TNFAIP6: variants seen among roughly 807,000 people sequenced by gnomAD.
TNFAIP6 encodes the protein TNF alpha induced protein 6, also known as tumor necrosis factor-inducible gene 6 protein.
A neutral mutation model predicts 33.7 loss-of-function variants in TNFAIP6; 36 were observed. The observed-to-expected ratio is 1.07, with a 90% CI of 0.82 to 1.41. The LOEUF (loss-of-function observed/expected upper bound fraction) is 1.41, where lower values mean the gene tolerates loss of function less well. Ranked by LOEUF, TNFAIP6 falls within the 40% of genes most tolerant of loss-of-function variation. TNFAIP6 has a pLI of 0.00. For synonymous variants in TNFAIP6, 113 were observed against 112.8 expected (o/e 1.00, Z -0.01); for missense variants, 273 against 331.9 (o/e 0.82, Z 1.38).
At chr2:151,379,025 G>A (rs916732972) in intron 5 of TNFAIP6, among the ~76,000 whole-genome samples, 1 of 151,964 alleles carries the variant, frequency 6.6e-6, no homozygotes, top group African/African-American at 2.4e-5. Context: ...GCTTGAGCCC[G>A]GGAGGCGGAG....
chr2:151,373,504 A>G, intron 4 of TNFAIP6, 45 bp from the exon 5 acceptor site: 1 of 1,262,016 alleles, frequency 7.9e-7, no homozygotes, highest in Non-Finnish European at 1.1e-6. Context: ...CTAGCTGTAT[A>G]ATATTCATTT....
At chr2:151,368,978 A>T (rs1684764974) in intron 3 of TNFAIP6, among the ~76,000 whole-genome samples, 2 of 152,240 alleles carry the variant, frequency 1.3e-5, no homozygotes, top group Non-Finnish European at 2.9e-5. Context: ...CGATCACCAG[A>T]GGTCAGGAGT....
At chr2:151,367,076 A>G (rs552071870) in intron 3 of TNFAIP6, among the ~76,000 whole-genome samples, 1 of 152,288 alleles carries the variant, frequency 6.6e-6, no homozygotes, top group Admixed American at 6.5e-5. Context: ...AAGAAATTCC[A>G]TAACACAGTA....
At chr2:151,369,576 C>G (rs1472636563) in intron 3 of TNFAIP6, among the ~76,000 whole-genome samples, 2 of 152,064 alleles carry the variant, frequency 1.3e-5, no homozygotes. Flanking sequence ...GAGTTCAATA[C>G]CAGCCTGGGC....
At chr2:151,367,480 CAAA>C (rs1553466811) in intron 3 of TNFAIP6, among the ~76,000 whole-genome samples, 2 of 151,964 alleles carry the variant, frequency 1.3e-5, no homozygotes, top group Non-Finnish European at 2.9e-5. Flanking sequence ...CTCTTCTTTT[CAAA>C]TGTATTCTCT....
chr2:151,367,455 T>C (rs1291814080), intron 3 of TNFAIP6, among the ~76,000 whole-genome samples: 1 of 152,184 alleles, frequency 6.6e-6, no homozygotes, highest in African/African-American at 2.4e-5. Context: ...CACTCTTTTT[T>C]ACTCTTAAGA....
intron 3 of TNFAIP6, among the ~76,000 whole-genome samples, chr2:151,368,973 A>T (rs914591513): frequency 1.3e-5 from 2 of 152,222 alleles, no homozygotes; most frequent in African/African-American, 2.4e-5. Context: ...TGGGTCGATC[A>T]CCAGAGGTCA....
At chr2:151,374,710 G>T (rs184349533) in intron 5 of TNFAIP6, among the ~76,000 whole-genome samples, 1 of 152,126 alleles carries the variant, frequency 6.6e-6, no homozygotes, top group African/African-American at 2.4e-5. Context: ...AAATTAAACC[G>T]TTTACTTATC....
intron 3 of TNFAIP6, 22 bp from the exon 4 acceptor site, chr2:151,369,998 G>GTTTTT: frequency 6.4e-7 from 1 of 1,558,744 alleles, no homozygotes; most frequent in Non-Finnish European, 8.7e-7. Flanking sequence ...GGGTTTTTAC[G>GTTTTT]TTTTTTTTCT....
intron 1 of TNFAIP6, among the ~76,000 whole-genome samples, chr2:151,361,576 G>T (rs916891522): frequency 3.3e-5 from 5 of 151,896 alleles, no homozygotes; most frequent in Non-Finnish European, 7.4e-5. Context: ...ATTATAATAC[G>T]TAAGTAAGCT....
At chr2:151,373,620 G>A in intron 5 of TNFAIP6, 31 bp downstream of exon 5, 1 of 1,393,966 alleles carries the variant, frequency 7.2e-7, no homozygotes, top group Non-Finnish European at 9.8e-7. Flanking sequence ...CCAAAACTAT[G>A]ATTTGTTTCT....
At chr2:151,362,781 C>T (rs1304347152) in intron 1 of TNFAIP6, among the ~76,000 whole-genome samples, 7 of 152,244 alleles carry the variant, frequency 4.6e-5, no homozygotes, top group African/African-American at 1.7e-4. Context: ...TGAGCCACCA[C>T]GCCCGGCCTA....
chr2:151,379,504 T>G lies in TNFAIP6; in HGVS notation c.805T>G (p.Phe269Val), dbSNP rs777695934. ...TACTACTTCTACTGGAAATAAAAAC[T>G]TTTTAGCTGGAAGATTTAGCCACTT... ...TSTTSTGNKN[F>V]LAGRFSHL The change falls in exon 6 of 6, where the codon TTT becomes GTT. Residue 269 changes from phenylalanine to valine, a missense_variant. Coordinates refer to ENST00000243347, the MANE Select transcript of TNFAIP6 (RefSeq NM_007115.4). 2.5e-6 allele frequency: 4 copies of G among 1,572,666 alleles called. No individual in the cohort carries two copies. Among genetic ancestry groups the G allele is most frequent in the Non-Finnish European group, 3.4e-6 (4 of 1,166,564 alleles).
chr2:151,371,868 T>TA (rs1684822082), intron 4 of TNFAIP6: 1 of 152,350 alleles, frequency 6.6e-6, no homozygotes. Flanking sequence ...GTGCTGGGAT[T>TA]ACAGGTGTGA....
At position 151,379,531 on chromosome 2, in the gene TNFAIP6, TAAAAA is replaced by T; in HGVS notation, c.*8_*12del. 3 of 1,337,050 alleles carry T rather than the reference TAAAAA, an allele frequency of 2.2e-6. No individual in the cohort carries two copies. Among genetic ancestry groups the T allele is most frequent in the Non-Finnish European group, 2.0e-6 (2 of 1,005,420 alleles). 82.8% of individuals were successfully genotyped at this position (1,337,050 alleles called of 1,614,324 possible). A position where few individuals can be genotyped will look rare whatever the true frequency, so the allele number is the denominator to read the frequency against. On this transcript the variant is annotated stop_retained_variant and 3_prime_UTR_variant, in exon 6 of 6. Transcript: ENST00000243347. Reference sequence around the variant, plus strand: ...TTTAGCTGGAAGATTTAGCCACTTATAAAAAAAAAAAAAAGGATGATCAAAACACA... The same window carrying T: ...TTTAGCTGGAAGATTTAGCCACTTATAAAAAAAAAGGATGATCAAAACACA...
At chr2:151,361,989 G>C (rs1411939943) in intron 1 of TNFAIP6, among the ~76,000 whole-genome samples, 1 of 152,088 alleles carries the variant, frequency 6.6e-6, no homozygotes, top group Non-Finnish European at 1.5e-5. Context: ...CTTCAGTTTG[G>C]GGTGGAAAAC....
chr2:151,363,687 C>A (rs1684665994), intron 1 of TNFAIP6, among the ~76,000 whole-genome samples: 1 of 151,908 alleles, frequency 6.6e-6, no homozygotes, highest in African/African-American at 2.4e-5. Flanking sequence ...CAAAAACCAA[C>A]CAACCAAACA....
downstream of TNFAIP6, among the ~76,000 whole-genome samples, chr2:151,381,198 G>A (rs1175308564): frequency 3.9e-5 from 6 of 152,044 alleles, no homozygotes; most frequent in African/African-American, 1.2e-4. Context: ...TTCACCGGGC[G>A]CAGTGGCTCA....
chr2:151,364,183 T>C, intron 2 of TNFAIP6, 103 bp downstream of exon 2: 3 of 1,372,716 alleles, frequency 2.2e-6, no homozygotes, highest in South Asian at 1.4e-5. Flanking sequence ...CCCCTTCTGA[T>C]ATATCACTAA....
Sources: gnomAD v4.1 joint callset for allele counts (sites outside exome capture counted in the v4.1 genomes callset) on GRCh38, gnomAD v4.1.1 for gene constraint, MANE v1.5 for transcripts, NCBI Gene and HGNC (gene_info 2026-07-23, HGNC 2026-07-21) for gene names.